The following NCKAP5 variants were observed in gnomAD, a reference collection of about 807,000 sequenced individuals.
The protein encoded by NCKAP5 is nck-associated protein 5.
NCKAP5 carries 92 observed loss-of-function variants against 167.0 expected under a neutral mutation model. That is an observed-to-expected ratio of 0.55 (90% confidence interval 0.47 to 0.66). NCKAP5 has a LOEUF of 0.66. Ranked by LOEUF, NCKAP5 falls within the 30% of genes least tolerant of loss-of-function variation. The pLI is 0.00. For synonymous variants in NCKAP5, 891 were observed against 877.4 expected (o/e 1.02, Z -0.27); for missense variants, 2,378 against 2,315.0 (o/e 1.03, Z -0.56).
intron 10 of NCKAP5, among the ~76,000 whole-genome samples, chr2:132,863,398 G>A (rs978615307): frequency 2.0e-5 from 3 of 147,448 alleles, no homozygotes; most frequent in African/African-American, 5.0e-5. Flanking sequence ...TAGTAACCAC[G>A]ATTTTTAGCA....
chr2:133,549,974 C>T (rs199750343), intron 2 of NCKAP5, among the ~76,000 whole-genome samples: 10,789 of 147,826 alleles, frequency 0.073, 313 homozygotes, highest in East Asian at 0.23. Context: ...AACACCTCTA[C>T]GCAAATAAAC....
chr2:133,450,080 T>C (rs1314176411), intron 3 of NCKAP5, among the ~76,000 whole-genome samples: 1 of 152,186 alleles, frequency 6.6e-6, no homozygotes, highest in African/African-American at 2.4e-5. Flanking sequence ...ATTTGTCTAC[T>C]TGAGGCAATA....
At chr2:132,701,861 G>A (rs1558942740) in intron 19 of NCKAP5, among the ~76,000 whole-genome samples, 1 of 152,100 alleles carries the variant, frequency 6.6e-6, no homozygotes, top group African/African-American at 2.4e-5. Context: ...TGAGGTGAGA[G>A]GACAGCACTG....
chr2:132,939,866 G>T (rs569958669), intron 8 of NCKAP5, among the ~76,000 whole-genome samples: 2 of 152,216 alleles, frequency 1.3e-5, no homozygotes, highest in East Asian at 3.9e-4. Flanking sequence ...TGGGTGTGGT[G>T]GTGGGTGCCT....
intron 8 of NCKAP5, among the ~76,000 whole-genome samples, chr2:132,955,914 G>A (rs113740044): frequency 0.049 from 7,394 of 152,136 alleles, 518 homozygotes; most frequent in African/African-American, 0.15. Flanking sequence ...ATCAGTGATG[G>A]TGAGCTTTTT....
intron 2 of NCKAP5, among the ~76,000 whole-genome samples, chr2:133,518,344 ATTTTTTTTTTTTT>A (rs751025050): frequency 5.4e-5 from 4 of 74,616 alleles, no homozygotes; most frequent in African/African-American, 9.6e-5. Flanking sequence ...ACAGTAAAGG[ATTTTTTTTTTTTT>A]TTTTTTTTTT....
At chr2:133,587,198 G>A in the NCKAP5 span, among the ~76,000 whole-genome samples, 3 of 151,954 alleles carry the variant, frequency 2.0e-5, no homozygotes, top group South Asian at 2.1e-4. Context: ...ATGAGAGGCC[G>A]GGAGCCAGAT....
chr2:132,992,376 G>T (rs16844985), intron 7 of NCKAP5, among the ~76,000 whole-genome samples: 8,723 of 152,240 alleles, frequency 0.057, 456 homozygotes, highest in East Asian at 0.31. Flanking sequence ...CACCACAGAT[G>T]TGGCTAATAA....
chr2:132,794,648 T>TACACACACACACACAC lies in NCKAP5; in HGVS notation c.909+1964_909+1979dup, dbSNP rs4057986. Among the ~76,000 whole-genome samples the TACACACACACACACAC allele has an allele frequency of 2.2e-3, 309 of 142,566 alleles. 2 individuals carry two copies. Among genetic ancestry groups the TACACACACACACACAC allele is most frequent in the Middle Eastern group, 7.2e-3 (2 of 278 alleles). 93.5% of individuals were successfully genotyped at this position (142,566 alleles called of 152,430 possible). ...GAGACTTCATCTCAACAACAACAAATACACACACACACACACACACACACA... is the reference window on the plus strand; with the variant it reads ...GAGACTTCATCTCAACAACAACAAATACACACACACACACACACACACACACACACACACACACACA... On this transcript the variant is annotated intron_variant, in intron 12 of 19. Transcript: ENST00000409261.
chr2:133,402,170 C>A (rs1385344264), intron 3 of NCKAP5, among the ~76,000 whole-genome samples: 1 of 152,064 alleles, frequency 6.6e-6, no homozygotes, highest in Non-Finnish European at 1.5e-5. Context: ...GCTTAAAATG[C>A]CTCAGTGCTA....
intron 8 of NCKAP5, among the ~76,000 whole-genome samples, chr2:132,933,179 C>A (rs180699551): frequency 1.5e-3 from 223 of 152,224 alleles, no homozygotes; most frequent in African/African-American, 5.2e-3. Context: ...CCCGCTGCGG[C>A]CTCCCAAAGT....
At chr2:133,002,642 A>C (rs763708624) in intron 6 of NCKAP5, among the ~76,000 whole-genome samples, 29 of 152,232 alleles carry the variant, frequency 1.9e-4, no homozygotes, top group Non-Finnish European at 4.3e-4. Flanking sequence ...GAAATGCCAC[A>C]GAAAACACAG....
At chr2:132,674,760 G>T (rs1435203846) in intron 19 of NCKAP5, among the ~76,000 whole-genome samples, 1 of 152,164 alleles carries the variant, frequency 6.6e-6, no homozygotes, top group Non-Finnish European at 1.5e-5. Flanking sequence ...CTCTGCTATA[G>T]GAAATGGTAT....
chr2:133,427,045 T>C (rs776962970), intron 3 of NCKAP5, among the ~76,000 whole-genome samples: 2 of 152,116 alleles, frequency 1.3e-5, no homozygotes, highest in African/African-American at 4.8e-5. Context: ...CATAATGCAG[T>C]AGGGAGAGCC....
chr2:133,579,753 A>G, the NCKAP5 span, among the ~76,000 whole-genome samples: 3 of 152,208 alleles, frequency 2.0e-5, no homozygotes, highest in Admixed American at 6.5e-5. Flanking sequence ...GGCTGCATCA[A>G]TATTTCGATG....
chr2:133,487,492 T>C (rs115089254), intron 3 of NCKAP5, among the ~76,000 whole-genome samples: 1 of 152,288 alleles, frequency 6.6e-6, no homozygotes, highest in African/African-American at 2.4e-5. Context: ...TACCATAGAA[T>C]GGTCAGGGGG....
chr2:133,068,862 G>T (rs2080289730), intron 6 of NCKAP5, among the ~76,000 whole-genome samples: 1 of 152,190 alleles, frequency 6.6e-6, no homozygotes, highest in South Asian at 2.1e-4. Flanking sequence ...TCAACTAAGA[G>T]ATTTGTAACT....
chr2:133,608,619 T>C, the NCKAP5 span, among the ~76,000 whole-genome samples: 24 of 152,160 alleles, frequency 1.6e-4, no homozygotes, highest in African/African-American at 5.3e-4. Flanking sequence ...CTAGGTAAAA[T>C]AGAGATAACA....
chr2:133,618,134 AC>A, the NCKAP5 span, among the ~76,000 whole-genome samples: 1 of 151,636 alleles, frequency 6.6e-6, no homozygotes, highest in Non-Finnish European at 1.5e-5. Context: ...CCTTCCTTAC[AC>A]CTTATACAAA....
Sources: gnomAD v4.1 joint callset for allele counts (sites outside exome capture counted in the v4.1 genomes callset) on GRCh38, gnomAD v4.1.1 for gene constraint, MANE v1.5 for transcripts, NCBI Gene and HGNC (gene_info 2026-07-23, HGNC 2026-07-21) for gene names.